The following EMCN variants were observed in gnomAD, a reference collection of about 807,000 sequenced individuals.
The protein encoded by EMCN is endomucin.
A neutral mutation model predicts 38.4 loss-of-function variants in EMCN; 37 were observed. The ratio of observed to expected loss-of-function variants is 0.96; its 90% confidence interval spans 0.74 to 1.27. EMCN has a LOEUF of 1.27. Among genes scored for constraint, EMCN ranks in the 50% most tolerant of loss-of-function variants. The pLI, the probability that EMCN is intolerant of heterozygous loss-of-function variation, is 0.00. For synonymous variants in EMCN, 95 were observed against 100.8 expected, an observed-to-expected ratio of 0.94 and a Z score of 0.35; for missense variants, 318 against 302.8, an observed-to-expected ratio of 1.05 and a Z score of -0.37.
intron 1 of EMCN, among the ~76,000 whole-genome samples, chr4:100,489,962 C>G (rs925198586): frequency 2.6e-5 from 4 of 152,080 alleles, no homozygotes; most frequent in Non-Finnish European, 5.9e-5. Context: ...AGATGGTTAA[C>G]TAGAAAGCAG....
intron 1 of EMCN, among the ~76,000 whole-genome samples, chr4:100,494,180 CT>C (rs1424346242): frequency 4.6e-5 from 7 of 152,088 alleles, no homozygotes; most frequent in Admixed American, 3.3e-4. Flanking sequence ...TTTATACTAG[CT>C]TTTATATGGT....
At chr4:100,443,838 C>G in intron 5 of EMCN, among the ~76,000 whole-genome samples, 1 of 152,218 alleles carries the variant, frequency 6.6e-6, no homozygotes, top group East Asian at 1.9e-4. Flanking sequence ...TGGGACACCA[C>G]TGGCACAGCT....
At chr4:100,475,668 T>G (rs1467360778) in intron 2 of EMCN, among the ~76,000 whole-genome samples, 6,421 of 90,408 alleles carry the variant, frequency 0.071, 1,082 homozygotes, top group South Asian at 0.11. Flanking sequence ...CCTTTTTTTT[T>G]TTTTTTTTTT....
chr4:100,467,815 G>T (rs372055932), intron 3 of EMCN, among the ~76,000 whole-genome samples: 5 of 152,002 alleles, frequency 3.3e-5, no homozygotes, highest in African/African-American at 1.2e-4. Context: ...CACACCTTCA[G>T]AGAAAAAGTA....
chr4:100,505,276 G>T (rs1729453213), intron 1 of EMCN, among the ~76,000 whole-genome samples: 1 of 152,092 alleles, frequency 6.6e-6, no homozygotes, highest in Non-Finnish European at 1.5e-5. Context: ...TTTGTCTTGT[G>T]TCTTTATTTC....
chr4:100,404,126 C>G (rs1011963429), intron 11 of EMCN, among the ~76,000 whole-genome samples: 14 of 151,776 alleles, frequency 9.2e-5, no homozygotes, highest in African/African-American at 2.7e-4. Context: ...GAGTCTTCAT[C>G]ATGAAGACTG....
At chr4:100,461,983 C>G (rs1728192125) in intron 4 of EMCN, among the ~76,000 whole-genome samples, 1 of 152,128 alleles carries the variant, frequency 6.6e-6, no homozygotes, top group Admixed American at 6.6e-5. Context: ...GAGTGGTGCT[C>G]TGCTAACCAG....
chr4:100,452,234 A>C (rs1432931627), intron 4 of EMCN, among the ~76,000 whole-genome samples: 1 of 152,082 alleles, frequency 6.6e-6, no homozygotes, highest in Admixed American at 6.6e-5. Flanking sequence ...AATAAACTCC[A>C]TATTAAACTA....
At chr4:100,508,056 A>G (rs1043920046) in intron 1 of EMCN, among the ~76,000 whole-genome samples, 2 of 152,228 alleles carry the variant, frequency 1.3e-5, no homozygotes, top group Admixed American at 1.3e-4. Context: ...GATGAAAATG[A>G]AGCAAGATAA....
At chr4:100,416,074 G>T in intron 9 of EMCN, 115 bp from the exon 10 acceptor site, 1 of 567,042 alleles carries the variant, frequency 1.8e-6, no homozygotes. Context: ...TATATATAAT[G>T]TGTGTGTATA....
intron 5 of EMCN, among the ~76,000 whole-genome samples, chr4:100,432,127 C>G (rs1410326544): frequency 6.6e-6 from 1 of 152,086 alleles, no homozygotes; most frequent in Non-Finnish European, 1.5e-5. Context: ...AGGGAATAAA[C>G]AGCCCTTCAT....
chr4:100,437,023 T>C lies in EMCN; in HGVS notation c.415+10510A>G, dbSNP rs1001739880. ...ATCTGCACATCCTGCACATACACTC[T>C]GGAACTTAAAATGAAAGTTGGGGGA... On this transcript the variant is annotated intron_variant, in intron 5 of 11. Coordinates refer to ENST00000296420, the MANE Select transcript of EMCN (RefSeq NM_016242.4). 2.0e-5 allele frequency among the ~76,000 whole-genome samples: 3 copies of C among 152,172 alleles called. No homozygotes were observed. The East Asian group carries it at 5.8e-4, about 29-fold the overall frequency.
chr4:100,422,374 A>T (rs1378501709), intron 7 of EMCN, among the ~76,000 whole-genome samples: 1 of 152,110 alleles, frequency 6.6e-6, no homozygotes, highest in African/African-American at 2.4e-5. Context: ...GGGTTTAACT[A>T]AACTTAATAG....
At chr4:100,444,309 G>T (rs368156436) in intron 5 of EMCN, among the ~76,000 whole-genome samples, 2 of 152,192 alleles carry the variant, frequency 1.3e-5, no homozygotes, top group South Asian at 2.1e-4. Flanking sequence ...TGCCTGTGGG[G>T]TACGGTACTA....
chr4:100,437,149 A>G (rs72923832), intron 5 of EMCN, among the ~76,000 whole-genome samples: 4,706 of 152,266 alleles, frequency 0.031, 255 homozygotes, highest in African/African-American at 0.11. Context: ...ATCACATAGT[A>G]GTTTTGATTT....
chr4:100,468,700 G>A (rs1728390630), intron 3 of EMCN, among the ~76,000 whole-genome samples: 1 of 151,946 alleles, frequency 6.6e-6, no homozygotes, highest in African/African-American at 2.4e-5. Context: ...AAATGAAAGA[G>A]CTGCACACTG....
At chr4:100,473,644 C>G (rs1226018326) in intron 3 of EMCN, among the ~76,000 whole-genome samples, 1 of 151,902 alleles carries the variant, frequency 6.6e-6, no homozygotes, top group African/African-American at 2.4e-5. Context: ...GGCCAGACAT[C>G]GGAAGTCCAC....
At chr4:100,418,212 A>G (rs911321706) in intron 8 of EMCN, among the ~76,000 whole-genome samples, 13 of 152,118 alleles carry the variant, frequency 8.5e-5, no homozygotes, top group African/African-American at 3.1e-4. Flanking sequence ...GTCATATACA[A>G]TATCACCTGT....
chr4:100,475,429 C>A (rs2110275505), intron 2 of EMCN, among the ~76,000 whole-genome samples: 1 of 151,118 alleles, frequency 6.6e-6, no homozygotes, highest in East Asian at 1.9e-4. Context: ...ATTCTAAATT[C>A]TAATGTTTAA....
Sources: gnomAD v4.1 joint callset for allele counts (sites outside exome capture counted in the v4.1 genomes callset) on GRCh38, gnomAD v4.1.1 for gene constraint, MANE v1.5 for transcripts, NCBI Gene and HGNC (gene_info 2026-07-23, HGNC 2026-07-21) for gene names.